The following ARHGAP22 variants were observed in gnomAD, a reference collection of about 807,000 sequenced individuals.
ARHGAP22 encodes Rho GTPase activating protein 22.
Under a neutral mutation model 59.1 loss-of-function variants are expected in ARHGAP22, and 48 were observed. The observed-to-expected ratio is 0.81, with a 90% confidence interval of 0.64 to 1.03. The LOEUF is 1.03. Ranked by LOEUF, ARHGAP22 falls within the 50% of genes least tolerant of loss-of-function variation. The pLI, the probability that ARHGAP22 is intolerant of heterozygous loss-of-function variation, is 0.00. For missense variants in ARHGAP22, 1,015 were observed against 958.7 expected, an observed-to-expected ratio of 1.06 and a Z score of -0.78; for synonymous variants, 445 against 416.4, an observed-to-expected ratio of 1.07 and a Z score of -0.84.
At chr10:48,514,875 A>G (rs2053139398) in intron 3 of ARHGAP22, among the ~76,000 whole-genome samples, 1 of 152,138 alleles carries the variant, frequency 6.6e-6, no homozygotes, top group Non-Finnish European at 1.5e-5. Flanking sequence ...AATCTGAACT[A>G]TATTGTTTTA....
intron 3 of ARHGAP22, among the ~76,000 whole-genome samples, chr10:48,500,120 T>C (rs2051350560): frequency 6.6e-6 from 1 of 152,142 alleles, no homozygotes; most frequent in Non-Finnish European, 1.5e-5. Flanking sequence ...GGAAGACTGT[T>C]TGAGGCTAGG....
In ARHGAP22 at chr10:48,451,643, A is replaced by G. The variant is rs777835858; in HGVS notation, c.989-503T>C. On this transcript the variant is annotated intron_variant, in intron 8 of 9. Transcript: ENST00000249601. ...GCACACACATACAATTGCACACACA[A>G]TGCACCCCGCCCACCCCCTAAAATA... 312 of 668,676 alleles carry G rather than the reference A, an allele frequency of 4.7e-4. 6 individuals are homozygous for G. In the Middle Eastern group the frequency reaches 0.014, roughly 31 times the overall value. 41.4% of individuals were successfully genotyped at this position (668,676 alleles called of 1,614,324 possible).
intron 3 of ARHGAP22, among the ~76,000 whole-genome samples, chr10:48,535,730 C>T (rs964384971): frequency 4.6e-5 from 7 of 152,212 alleles, no homozygotes; most frequent in East Asian, 1.9e-4. Flanking sequence ...CTGAAACTGA[C>T]GCCAAAGCTA....
intron 1 of ARHGAP22, among the ~76,000 whole-genome samples, chr10:48,594,986 C>T (rs1378699907): frequency 1.3e-5 from 2 of 150,966 alleles, no homozygotes; most frequent in African/African-American, 4.9e-5. Flanking sequence ...CCCCACTGAA[C>T]ATATTCATTG....
At chr10:48,596,927 G>A (rs1012531831) in intron 1 of ARHGAP22, among the ~76,000 whole-genome samples, 9 of 152,096 alleles carry the variant, frequency 5.9e-5, no homozygotes, top group African/African-American at 7.2e-5. Flanking sequence ...GACAGGTCCC[G>A]CATGGGCCAT....
In ARHGAP22 at chr10:48,646,302, T is replaced by C. The variant is rs1031303914; in HGVS notation, c.52+5932A>G. On this transcript the variant is annotated intron_variant, in intron 1 of 9. Transcript: ENST00000435790. Reference sequence around the variant, plus strand: ...ATTCAATGTGATTCCTATCAAAATCTCAGAAACATTTTATGGGGTGGAGAA... The same window carrying C: ...ATTCAATGTGATTCCTATCAAAATCCCAGAAACATTTTATGGGGTGGAGAA... 2.6e-5 allele frequency among the ~76,000 whole-genome samples: 4 copies of C among 152,286 alleles called. 1 individual carries two copies. Among genetic ancestry groups the C allele is most frequent in the African/African-American group, 9.6e-5 (4 of 41,560 alleles).
chr10:48,476,021 A>T (rs1255188521), intron 4 of ARHGAP22, among the ~76,000 whole-genome samples: 4 of 151,654 alleles, frequency 2.6e-5, no homozygotes, highest in African/African-American at 9.7e-5. Flanking sequence ...CCCTAACCCT[A>T]TCTCTTGTGT....
At chr10:48,505,007 A>G (rs576490184) in intron 3 of ARHGAP22, among the ~76,000 whole-genome samples, 57 of 151,810 alleles carry the variant, frequency 3.8e-4, no homozygotes, top group African/African-American at 1.4e-3. Flanking sequence ...GGGGTGCCCC[A>G]AGTCCCACCA....
At chr10:48,578,538 GTGTGTGTGTGTGTGTC>G (rs2058905657) in intron 2 of ARHGAP22, among the ~76,000 whole-genome samples, 1 of 151,972 alleles carries the variant, frequency 6.6e-6, no homozygotes, top group East Asian at 1.9e-4. Context: ...GTGTGTGTGT[GTGTGTGTGTGTGTGTC>G]TGTGTGTGTG....
At chr10:48,437,312 G>A in the ARHGAP22 span, 1 of 151,940 alleles carries the variant, frequency 6.6e-6, no homozygotes, top group African/African-American at 2.4e-5. Context: ...CTAAATATAT[G>A]TTGGTTCTTT....
chr10:48,580,303 G>A (rs2059027387), intron 2 of ARHGAP22, among the ~76,000 whole-genome samples: 1 of 152,196 alleles, frequency 6.6e-6, no homozygotes, highest in Non-Finnish European at 1.5e-5. Flanking sequence ...TGGCAGGGGA[G>A]GGAGAGGAGT....
At chr10:48,449,334 G>A (rs977364757) in intron 9 of ARHGAP22, among the ~76,000 whole-genome samples, 2 of 152,182 alleles carry the variant, frequency 1.3e-5, no homozygotes, top group Non-Finnish European at 2.9e-5. Context: ...TGCCCTCAAG[G>A]TCCCTCTCCT....
chr10:48,440,671 A>G, the ARHGAP22 span, among the ~76,000 whole-genome samples: 50 of 152,310 alleles, frequency 3.3e-4, no homozygotes, highest in African/African-American at 1.2e-3. Flanking sequence ...TTGGAATTGA[A>G]ACAAGCTGAG....
chr10:48,578,942 T>G (rs2058937099), intron 2 of ARHGAP22, among the ~76,000 whole-genome samples: 1 of 152,182 alleles, frequency 6.6e-6, no homozygotes, highest in African/African-American at 2.4e-5. Context: ...TTAATCTTTT[T>G]GTTTATTCCT....
intron 3 of ARHGAP22, among the ~76,000 whole-genome samples, chr10:48,537,697 G>T (rs1254113215): frequency 1.3e-5 from 2 of 152,164 alleles, no homozygotes; most frequent in East Asian, 3.9e-4. Context: ...TCCTCTCCTC[G>T]GTCTCTTGGA....
chr10:48,500,614 G>T (rs547308269), intron 3 of ARHGAP22, among the ~76,000 whole-genome samples: 1 of 152,062 alleles, frequency 6.6e-6, no homozygotes, highest in South Asian at 2.1e-4. Flanking sequence ...AAGGCCAGGC[G>T]CCGTAGTTCA....
intron 1 of ARHGAP22, among the ~76,000 whole-genome samples, chr10:48,637,405 G>A (rs945868861): frequency 6.6e-6 from 1 of 151,984 alleles, no homozygotes; most frequent in African/African-American, 2.4e-5. Flanking sequence ...AATGGTGAAT[G>A]AGTGGGTGGA....
intron 1 of ARHGAP22, among the ~76,000 whole-genome samples, chr10:48,638,845 A>G (rs780653990): frequency 2.6e-5 from 4 of 152,310 alleles, no homozygotes; most frequent in Non-Finnish European, 5.9e-5. Context: ...GAAAGCGGAT[A>G]TGGGAAACTT....
At chr10:48,563,255 G>A (rs957786866) in intron 2 of ARHGAP22, among the ~76,000 whole-genome samples, 3 of 136,638 alleles carry the variant, frequency 2.2e-5, no homozygotes, top group African/African-American at 5.5e-5. Flanking sequence ...GTGCAGTGGC[G>A]CAATCTTGGC....
Sources: allele counts gnomAD v4.1 joint callset (sites outside exome capture counted in the v4.1 genomes callset), GRCh38; gene constraint gnomAD v4.1.1; transcripts MANE v1.5; gene names NCBI Gene and HGNC (gene_info 2026-07-23, HGNC 2026-07-21).